The following KDM2A variants were observed in gnomAD, a reference collection of about 807,000 sequenced individuals.
KDM2A encodes the protein lysine-specific demethylase 2A.
A neutral mutation model predicts 137.3 loss-of-function variants in KDM2A; 3 were observed. The observed-to-expected ratio is 0.02, with a 90% confidence interval of 0.01 to 0.06. KDM2A has a LOEUF of 0.06. Ranked by LOEUF, KDM2A falls within the 10% of genes least tolerant of loss-of-function variation. The pLI is 1.00. For synonymous variants in KDM2A, 512 were observed against 541.5 expected (o/e 0.95, Z 0.76); for missense variants, 738 against 1,510.6 (o/e 0.49, Z 8.48).
At chr11:67,134,882 A>G (rs1469109333) in intron 2 of KDM2A, among the ~76,000 whole-genome samples, 1 of 152,168 alleles carries the variant, frequency 6.6e-6, no homozygotes. Flanking sequence ...GCTTTGCAAA[A>G]GTAAGCATGA....
intron 2 of KDM2A, among the ~76,000 whole-genome samples, chr11:67,178,441 G>T (rs1025857011): frequency 6.6e-6 from 1 of 151,966 alleles, no homozygotes; most frequent in African/African-American, 2.4e-5. Flanking sequence ...ACAATCCAGT[G>T]GTTTTTAGTA....
rs1857649389 is a variant in KDM2A, at chr11:67,202,385, G to A, written c.308-5125G>A. On this transcript the variant is annotated intron_variant, in intron 5 of 20. Coordinates refer to ENST00000529006, the MANE Select transcript of KDM2A (RefSeq NM_012308.3). ...AATTTTGAAAGACGTTCTACCATGG[G>A]TAAAATGATATCAAACAGCATTGCA... Among the ~76,000 whole-genome samples, 3 of 152,244 alleles carry A rather than the reference G, an allele frequency of 2.0e-5. No homozygotes were observed. The South Asian group carries it at 6.2e-4, about 32-fold the overall frequency.
chr11:67,235,942 T>C (rs1332701051), intron 12 of KDM2A, among the ~76,000 whole-genome samples: 1 of 152,062 alleles, frequency 6.6e-6, no homozygotes, highest in Non-Finnish European at 1.5e-5. Context: ...ATTTCTAAAA[T>C]TGGAAAGTTG....
intron 2 of KDM2A, among the ~76,000 whole-genome samples, chr11:67,157,052 G>A (rs1325447828): frequency 2.0e-5 from 3 of 152,112 alleles, no homozygotes; most frequent in Non-Finnish European, 4.4e-5. Flanking sequence ...GGTGGCTCAC[G>A]CCTGTAATCC....
intron 17 of KDM2A, among the ~76,000 whole-genome samples, chr11:67,251,991 G>A (rs970647648): frequency 2.6e-4 from 39 of 152,268 alleles, no homozygotes; most frequent in African/African-American, 9.1e-4. Context: ...TGGGGGGCAG[G>A]GGCTATAAAA....
chr11:67,169,732 C>T (rs1161941305), intron 2 of KDM2A, among the ~76,000 whole-genome samples: 2 of 68,000 alleles, frequency 2.9e-5, no homozygotes, highest in Admixed American at 1.5e-4. Flanking sequence ...TCTCTCTCTC[C>T]TTCTCTCTCT....
Position 67,254,832 on chromosome 11 carries a change from G to C in KDM2A, c.3308-42G>C. 6.4e-7 allele frequency: 1 copy of C among 1,553,580 alleles called. No homozygotes were observed. Among genetic ancestry groups the C allele is most frequent in the African/African-American group, 1.4e-5 (1 of 73,760 alleles). ...AGGAATTGAATGGCAGAGGAAAGCTGTGTGTATGTGAGCACTGTCATTATG... is the reference window on the plus strand; with the variant it reads ...AGGAATTGAATGGCAGAGGAAAGCTCTGTGTATGTGAGCACTGTCATTATG... On this transcript the variant is annotated intron_variant, in intron 20 of 20. Coordinates refer to ENST00000529006, the MANE Select transcript of KDM2A (RefSeq NM_012308.3). This position sits in a 1 kb window ranked among gnomAD's most constrained non-coding sequence, Gnocchi z 4.7.
At chr11:67,146,639 C>A (rs1161106894) in intron 2 of KDM2A, among the ~76,000 whole-genome samples, 2 of 151,906 alleles carry the variant, frequency 1.3e-5, no homozygotes, top group African/African-American at 4.8e-5. Flanking sequence ...CCCACAAGTA[C>A]CAGGGACTAC....
chr11:67,215,454 A>T lies in KDM2A; in HGVS notation c.593+8A>T. On this transcript the variant is annotated splice_region_variant and intron_variant, in intron 7 of 20. Transcript: ENST00000529006. ...GTACCCTAAAGTGCAGAAGTAAGTG[A>T]TGCGCCCTGCATCTTCCTCCGTGTG... 6.4e-7 allele frequency: 1 copy of T among 1,572,380 alleles called. No homozygotes were observed. The highest frequency in any genetic ancestry group is 8.8e-7 in the Non-Finnish European group (1 of 1,142,674).
chr11:67,215,546 T>G, intron 7 of KDM2A, 100 bp downstream of exon 7: 1 of 764,212 alleles, frequency 1.3e-6, no homozygotes, highest in South Asian at 1.6e-5. Flanking sequence ...GTGTCTTGAA[T>G]GATTAAAAAG....
intron 5 of KDM2A, among the ~76,000 whole-genome samples, chr11:67,201,283 G>A (rs1857617730): frequency 6.6e-6 from 1 of 151,450 alleles, no homozygotes; most frequent in Admixed American, 6.6e-5. Context: ...GATTCTGCTG[G>A]TAAATCTGGA....
intron 6 of KDM2A, among the ~76,000 whole-genome samples, chr11:67,211,613 C>CAAAAA (rs377116306): frequency 4.6e-4 from 23 of 50,250 alleles, no homozygotes; most frequent in Admixed American, 8.2e-4. Context: ...GACCCTGTCT[C>CAAAAA]AAAAAAAAAA....
intron 5 of KDM2A, among the ~76,000 whole-genome samples, chr11:67,200,632 C>A (rs1857596977): frequency 6.6e-6 from 1 of 152,118 alleles, no homozygotes; most frequent in Non-Finnish European, 1.5e-5. Flanking sequence ...TCCACCTCAG[C>A]CTTTAGCTGG....
chr11:67,191,917 A>G (rs1282369230), intron 5 of KDM2A, among the ~76,000 whole-genome samples: 2 of 152,194 alleles, frequency 1.3e-5, no homozygotes, highest in Non-Finnish European at 2.9e-5. Context: ...AGATGATATG[A>G]CTTTTTTATT....
rs1034778143 is a variant in KDM2A at position 67,203,790 on chromosome 11, CTTTT to C, written c.308-3709_308-3706del. 7.8e-4 allele frequency among the ~76,000 whole-genome samples: 111 copies of C among 141,424 alleles called. 2 individuals carry two copies. The highest frequency in any genetic ancestry group is 2.8e-3 in the African/African-American group (109 of 38,840). 92.8% of individuals were successfully genotyped at this position (141,424 alleles called of 152,430 possible). A position where few individuals can be genotyped will look rare whatever the true frequency, so the allele number is the denominator to read the frequency against. ...AGAATAAAATGCTTTCCTCTACATT[CTTTT>C]TTTTTTTTTTCTTTTTTCTTTTTAA... On this transcript the variant is annotated intron_variant, in intron 5 of 20. Coordinates refer to ENST00000529006, the MANE Select transcript of KDM2A (RefSeq NM_012308.3).
chr11:67,224,916 A>G (rs1215240426), intron 10 of KDM2A, among the ~76,000 whole-genome samples: 1 of 126,488 alleles, frequency 7.9e-6, no homozygotes, highest in Non-Finnish European at 1.5e-5. Context: ...ATCTCAGCTC[A>G]CTGCAACCTC....
At chr11:67,237,945 TATAGG>T (rs1858918357) in intron 12 of KDM2A, among the ~76,000 whole-genome samples, 1 of 152,064 alleles carries the variant, frequency 6.6e-6, no homozygotes, top group African/African-American at 2.4e-5. Context: ...TATATCCTGT[TATAGG>T]ATATATTTAT....
chr11:67,244,707 C>T lies in KDM2A; in HGVS notation c.1564-482C>T, dbSNP rs532859653. ...AGCATGAAAGCAGCCATTGATTGGC[C>T]GGGTGTGGTGGCTCACACCTGTAAT... is the stretch of plus-strand genomic sequence containing the variant. On this transcript the variant is annotated intron_variant, in intron 13 of 20. Coordinates refer to ENST00000529006, the MANE Select transcript of KDM2A (RefSeq NM_012308.3). Among the ~76,000 whole-genome samples the T allele has an allele frequency of 4.6e-5, 7 of 152,152 alleles. No individual in the cohort carries two copies. In the South Asian group the frequency reaches 8.3e-4, roughly 18 times the overall value.
chr11:67,220,778 T>TA lies in KDM2A; in HGVS notation c.957+1378dup, dbSNP rs34512731. Among the ~76,000 whole-genome samples the TA allele has an allele frequency of 6.6e-3, 999 of 152,290 alleles. 12 individuals carry two copies. Among genetic ancestry groups the TA allele is most frequent in the African/African-American group, 0.022 (928 of 41,572 alleles). On this transcript the variant is annotated intron_variant, in intron 10 of 20. Coordinates refer to ENST00000529006, the MANE Select transcript of KDM2A (RefSeq NM_012308.3). ...ACCCTACCTTGTAGCATGAAATACT[T>TA]AAACAAATGAGTGTGGCTCAAATAA...
Sources: allele counts gnomAD v4.1 joint callset (sites outside exome capture counted in the v4.1 genomes callset), GRCh38; gene constraint gnomAD v4.1.1; non-coding constraint Gnocchi (gnomAD v3.1); transcripts MANE v1.5; gene names NCBI Gene and HGNC (gene_info 2026-07-23, HGNC 2026-07-21).